The following ROBO2 variants were observed in gnomAD, a reference collection of about 807,000 sequenced individuals.
ROBO2 encodes roundabout guidance receptor 2, also known as roundabout homolog 2.
In ROBO2, 53 loss-of-function variants were observed where a neutral mutation model predicts 160.8. The observed-to-expected ratio is 0.33, with a 90% confidence interval of 0.26 to 0.41. The LOEUF (loss-of-function observed/expected upper bound fraction) is 0.41. Ranked by LOEUF, ROBO2 falls within the 10% of genes least tolerant of loss-of-function variation. The pLI, the probability that ROBO2 is intolerant of heterozygous loss-of-function variation, is 1.00. For synonymous variants in ROBO2, 664 were observed against 611.7 expected (o/e 1.09, Z -1.26); for missense variants, 1,577 against 1,722.4 (o/e 0.92, Z 1.49).
intron 2 of ROBO2, among the ~76,000 whole-genome samples, chr3:77,360,090 C>T (rs919303686): frequency 1.3e-5 from 2 of 152,072 alleles, no homozygotes; most frequent in African/African-American, 2.4e-5. Context: ...GATGAAATCC[C>T]CTAAGTTTAT....
intron 2 of ROBO2, among the ~76,000 whole-genome samples, chr3:77,359,499 A>T (rs1467507654): frequency 6.6e-6 from 1 of 152,156 alleles, no homozygotes; most frequent in Non-Finnish European, 1.5e-5. Context: ...TTTCCAGAGT[A>T]CTTGCAATCA....
chr3:77,518,519 C>T (rs1039168686), intron 5 of ROBO2, among the ~76,000 whole-genome samples: 10 of 151,302 alleles, frequency 6.6e-5, no homozygotes, highest in Non-Finnish European at 1.3e-4. Flanking sequence ...TGTATTGTAG[C>T]ATTTACTTCT....
chr3:76,605,957 C>G (rs1381120742), intron 2 of ROBO2, among the ~76,000 whole-genome samples: 4 of 152,066 alleles, frequency 2.6e-5, no homozygotes, highest in Admixed American at 2.0e-4. Context: ...ATGCGGTAGA[C>G]AGGACCCCGT....
chr3:76,813,468 A>G (rs2109023067), intron 2 of ROBO2, among the ~76,000 whole-genome samples: 1 of 152,262 alleles, frequency 6.6e-6, no homozygotes, highest in Admixed American at 6.5e-5. Context: ...AAACAAGAAT[A>G]ATTTTCTCTC....
At chr3:77,161,875 A>G (rs1478723820) in intron 2 of ROBO2, among the ~76,000 whole-genome samples, 2 of 152,074 alleles carry the variant, frequency 1.3e-5, no homozygotes, top group Admixed American at 6.6e-5. Context: ...TCTTCTGTAC[A>G]GAAACATTCC....
chr3:76,305,827 A>G (rs2071317319), intron 2 of ROBO2, among the ~76,000 whole-genome samples: 1 of 151,768 alleles, frequency 6.6e-6, no homozygotes, highest in South Asian at 2.1e-4. Flanking sequence ...TCTGGGGGTG[A>G]CAGAGCAAGA....
At chr3:77,124,385 C>T (rs2075117035) in intron 2 of ROBO2, among the ~76,000 whole-genome samples, 1 of 152,050 alleles carries the variant, frequency 6.6e-6, no homozygotes, top group Non-Finnish European at 1.5e-5. Context: ...TGTGAGAAGA[C>T]CCATGTGATA....
chr3:77,385,608 C>T (rs2153492521), intron 2 of ROBO2, among the ~76,000 whole-genome samples: 1 of 152,192 alleles, frequency 6.6e-6, no homozygotes, highest in East Asian at 1.9e-4. Flanking sequence ...GAAGTCCTTC[C>T]TCTAGAAATC....
At chr3:77,623,120 A>AT (rs1016253811) in intron 23 of ROBO2, among the ~76,000 whole-genome samples, 6 of 152,158 alleles carry the variant, frequency 3.9e-5, no homozygotes, top group Admixed American at 3.9e-4. Flanking sequence ...AAATGTACCA[A>AT]TTTTTTTAAA....
chr3:75,932,855 C>T (rs1947604233), intron 1 of ROBO2, among the ~76,000 whole-genome samples: 1 of 152,008 alleles, frequency 6.6e-6, no homozygotes, highest in South Asian at 2.1e-4. Context: ...TTCTAAAGCA[C>T]GATGGCCTAG....
intron 2 of ROBO2, among the ~76,000 whole-genome samples, chr3:76,575,856 GGAGA>G (rs981133755): frequency 6.6e-6 from 1 of 151,610 alleles, no homozygotes; most frequent in Non-Finnish European, 1.5e-5. Flanking sequence ...TTAGATTTGT[GGAGA>G]GAGAGAGAGG....
intron 2 of ROBO2, among the ~76,000 whole-genome samples, chr3:76,888,903 G>A (rs56119336): frequency 8.3e-4 from 126 of 152,282 alleles, no homozygotes; most frequent in African/African-American, 2.8e-3. Flanking sequence ...TATCTGTTAA[G>A]GAATAATAAC....
chr3:77,567,439 A>G (rs758109327), intron 12 of ROBO2, among the ~76,000 whole-genome samples: 1 of 152,060 alleles, frequency 6.6e-6, no homozygotes, highest in Admixed American at 6.6e-5. Flanking sequence ...CTTAATGGAC[A>G]CAGCCTATAA....
At chr3:77,195,344 G>A (rs1215803203) in intron 2 of ROBO2, among the ~76,000 whole-genome samples, 1 of 152,032 alleles carries the variant, frequency 6.6e-6, no homozygotes, top group Non-Finnish European at 1.5e-5. Context: ...ATATTAAGCA[G>A]TTATAAACAG....
chr3:76,335,612 C>A (rs559679741), intron 2 of ROBO2, among the ~76,000 whole-genome samples: 160 of 151,292 alleles, frequency 1.1e-3, no homozygotes, highest in African/African-American at 3.7e-3. Flanking sequence ...GAGTCTCGCT[C>A]TGTCGCCCAG....
chr3:76,871,696 C>T (rs1033454160), intron 2 of ROBO2, among the ~76,000 whole-genome samples: 3 of 152,186 alleles, frequency 2.0e-5, no homozygotes, highest in African/African-American at 7.2e-5. Context: ...GATTGGGAGC[C>T]GTGACACATG....
intron 2 of ROBO2, among the ~76,000 whole-genome samples, chr3:76,862,254 C>T (rs1224930247): frequency 6.6e-6 from 1 of 152,120 alleles, no homozygotes; most frequent in Non-Finnish European, 1.5e-5. Context: ...GCAGAGAAGG[C>T]TGGAAAATAG....
intron 2 of ROBO2, among the ~76,000 whole-genome samples, chr3:76,262,750 G>T (rs1019514314): frequency 1.3e-5 from 2 of 151,990 alleles, no homozygotes; most frequent in African/African-American, 4.8e-5. Flanking sequence ...GATGTTTCCA[G>T]GGGTCATAAA....
rs947497861 is a variant in ROBO2, at chr3:76,251,213, T to C, written c.109+313611T>C. 5.9e-5 allele frequency among the ~76,000 whole-genome samples: 9 copies of C among 151,994 alleles called. No individual in the cohort carries two copies. In the East Asian group the frequency reaches 1.7e-3, roughly 29 times the overall value. On this transcript the variant is annotated intron_variant, in intron 2 of 26. Transcript: ENST00000487694. ...ATTTGTCATCAGGGTGCAAGAGTTA[T>C]TAACTGGACTTGTGCTCATAATTTC...
Sources: allele counts gnomAD v4.1 joint callset (sites outside exome capture counted in the v4.1 genomes callset), GRCh38; gene constraint gnomAD v4.1.1; transcripts MANE v1.5; gene names NCBI Gene and HGNC (gene_info 2026-07-23, HGNC 2026-07-21).